Variants in TTBK1 observed in about 807,000 individuals in gnomAD.
TTBK1 encodes the protein tau-tubulin kinase 1.
Under a neutral mutation model 108.5 loss-of-function variants are expected in TTBK1, and 34 were observed. The ratio of observed to expected loss-of-function variants is 0.31; its 90% CI spans 0.24 to 0.42. The LOEUF is 0.42. Among genes scored for constraint, TTBK1 ranks in the 10% least tolerant of loss-of-function variants. The pLI, the probability that TTBK1 is intolerant of heterozygous loss-of-function variation, is 1.00. For synonymous variants in TTBK1, 809 were observed against 795.1 expected (o/e 1.02, Z -0.29); for missense variants, 1,539 against 1,826.0 (o/e 0.84, Z 2.86).
chr6:43,252,912 G>A lies in TTBK1; in HGVS notation c.256+26G>A, dbSNP rs746534072. Reference sequence around the variant, plus strand: ...GTTCGGGCCTCGGGCAGGGGGATGGGAAGGAAGAGATGATGAAGCCAGGGG... The same window carrying A: ...GTTCGGGCCTCGGGCAGGGGGATGGAAAGGAAGAGATGATGAAGCCAGGGG... On this transcript the variant is annotated intron_variant, in intron 3 of 14. Coordinates refer to ENST00000259750, the MANE Select transcript of TTBK1 (RefSeq NM_032538.3). 2.5e-6 allele frequency: 4 copies of A among 1,611,368 alleles called. No individual in the cohort carries two copies. In the African/African-American group the frequency reaches 5.3e-5, roughly 22 times the overall value.
intron 13 of TTBK1, chr6:43,271,457 C>A (rs1562094184): frequency 1.1e-5 from 11 of 985,254 alleles, no homozygotes; most frequent in Non-Finnish European, 1.3e-5. Context: ...TGTTAGGGAG[C>A]CAGAAAGATG....
At chr6:43,244,828 A>G (rs1381939613) in intron 1 of TTBK1, among the ~76,000 whole-genome samples, 1 of 152,130 alleles carries the variant, frequency 6.6e-6, no homozygotes. Flanking sequence ...TTGCTTCTTC[A>G]GTCTTGTCCT....
rs552090877 is a variant in TTBK1 at position 43,253,918 on chromosome 6, G to T, written c.471+210G>T. 6.6e-6 allele frequency among the ~76,000 whole-genome samples: 1 copy of T among 152,156 alleles called. No homozygotes were observed. Among genetic ancestry groups the T allele is most frequent in the Non-Finnish European group, 1.5e-5 (1 of 68,002 alleles). ...GAGCATGCACCCCTGCCTGCCCCTC[G>T]GCCATGGCCAGGCCTCTCCTCTGTT... On this transcript the variant is annotated intron_variant, in intron 5 of 14. Coordinates refer to ENST00000259750, the MANE Select transcript of TTBK1 (RefSeq NM_032538.3). This position sits in a 1 kb window ranked among gnomAD's most constrained non-coding sequence, Gnocchi z 5.8.
At chr6:43,244,140 G>A (rs1017445174) in intron 1 of TTBK1, among the ~76,000 whole-genome samples, 1 of 151,684 alleles carries the variant, frequency 6.6e-6, no homozygotes, top group South Asian at 2.1e-4. Context: ...TCTCTTCCTT[G>A]CCTGTCATCA....
chr6:43,254,516 C>A, intron 5 of TTBK1, 31 bp from the exon 6 acceptor site: 2 of 1,518,584 alleles, frequency 1.3e-6, no homozygotes, highest in South Asian at 1.3e-5. Flanking sequence ...GGGTTGGGGC[C>A]CCCAGAGCTC....
At chr6:43,254,402 A>G in intron 5 of TTBK1, 145 bp from the exon 6 acceptor site, 1 of 557,664 alleles carries the variant, frequency 1.8e-6, no homozygotes, top group Non-Finnish European at 3.2e-6. Flanking sequence ...CCTGATGCAC[A>G]CATGTGAATA....
chr6:43,255,585 T>C lies in TTBK1; in HGVS notation c.676T>C (p.Phe226Leu), dbSNP rs1777361285. Residue 226 changes from phenylalanine to leucine, a missense_variant, in exon 8 of 15, where the codon TTC becomes CTC. This residue lies in a region of TTBK1 where 155 missense variants were observed against 348.5 expected (regional missense o/e 0.44). Transcript: ENST00000259750. ...CCGCCACGACGACCTGTGGTCCCTC[T>C]TCTACATGCTGGTGGAGTTTGCAGT... ...MGRHDDLWSL[F>L]YMLVEFAVGQ... 1 of 1,613,362 alleles carries C rather than the reference T, an allele frequency of 6.2e-7. No homozygotes were observed. Among genetic ancestry groups the C allele is most frequent in the Non-Finnish European group, 8.5e-7 (1 of 1,179,714 alleles).
chr6:43,261,746 T>G (rs1582491713), intron 12 of TTBK1, among the ~76,000 whole-genome samples: 1 of 130,656 alleles, frequency 7.7e-6, no homozygotes, highest in African/African-American at 3.0e-5. Context: ...ACCTGGGGGG[T>G]GGAGGTTACA....
At chr6:43,250,417 C>T (rs546901256) in intron 2 of TTBK1, among the ~76,000 whole-genome samples, 309 of 139,106 alleles carry the variant, frequency 2.2e-3, no homozygotes, top group African/African-American at 8.0e-3. Flanking sequence ...AGTGCAATGG[C>T]GTGATCTCAG....
chr6:43,259,452 T>A lies in TTBK1; in HGVS notation c.1249-79T>A. Reference sequence around the variant, plus strand: ...TGTGTCTTCCATCATCATCATCCTCTGTCTCCTTCACCCTGAGGAGACCAT... The same window carrying A: ...TGTGTCTTCCATCATCATCATCCTCAGTCTCCTTCACCCTGAGGAGACCAT... On this transcript the variant is annotated intron_variant, in intron 11 of 14. Coordinates refer to ENST00000259750, the MANE Select transcript of TTBK1 (RefSeq NM_032538.3). This position sits in a 1 kb window ranked among gnomAD's most constrained non-coding sequence, Gnocchi z 6.7. The A allele has an allele frequency of 7.0e-7, 1 of 1,436,712 alleles. No individual in the cohort carries two copies. Among genetic ancestry groups the A allele is most frequent in the African/African-American group, 1.4e-5 (1 of 70,198 alleles). The allele number at this position is 1,436,712 out of a possible 1,614,324, so 89.0% of individuals were successfully genotyped here. A position where few individuals can be genotyped will look rare whatever the true frequency, so the allele number is the denominator to read the frequency against.
At chr6:43,254,791 T>G in intron 6 of TTBK1, 140 bp downstream of exon 6, 2 of 777,708 alleles carry the variant, frequency 2.6e-6, no homozygotes, top group Non-Finnish European at 4.1e-6. Flanking sequence ...GCTCTGGGTG[T>G]CCACACTCGG....
At position 43,263,098 on chromosome 6, in the gene TTBK1, C is replaced by G. The variant is rs772312876; in HGVS notation, c.1734C>G (p.Pro578=). Residue 578 remains proline, a synonymous_variant, in exon 13 of 15, where the codon CCC becomes CCG. Coordinates refer to ENST00000259750, the MANE Select transcript of TTBK1 (RefSeq NM_032538.3). The surrounding 1 kb of genome is among the most constrained non-coding windows in gnomAD (Gnocchi z 4.7). ...DEEPEELRPL[P]EEGEERRRLG... is the part of the protein sequence containing the mutation. ...AGCCCGAGGAGCTGCGGCCACTGCC[C>G]GAGGAGGGCGAAGAGCGGCGGCGGC... The G allele has an allele frequency of 1.3e-6, 2 of 1,569,204 alleles. No homozygotes were observed. The highest frequency in any genetic ancestry group is 2.4e-5 in the East Asian group (1 of 42,434).
At chr6:43,268,760 G>A (rs1186763414) in intron 13 of TTBK1, among the ~76,000 whole-genome samples, 1 of 152,198 alleles carries the variant, frequency 6.6e-6, no homozygotes, top group African/African-American at 2.4e-5. Context: ...GCTGCCTGGT[G>A]GCTCAGACTT....
In TTBK1 at chr6:43,246,617, C is replaced by T. The variant is rs892514151; in HGVS notation, c.-44C>T. 2 of 1,504,680 alleles carry T rather than the reference C, an allele frequency of 1.3e-6. No individual in the cohort carries two copies. The highest frequency in any genetic ancestry group is 2.8e-5 in the African/African-American group (2 of 72,250). The allele number at this position is 1,504,680 out of a possible 1,614,324, so 93.2% of individuals were successfully genotyped here. A position where few individuals can be genotyped will look rare whatever the true frequency, so the allele number is the denominator to read the frequency against. ...TCCTCACTCCCCTAGGTAGATGGCC[C>T]CCTCAGGGCAGGCCCGGCGGACACC... On this transcript the variant is annotated 5_prime_UTR_variant, in exon 2 of 15. Coordinates refer to ENST00000259750, the MANE Select transcript of TTBK1 (RefSeq NM_032538.3).
intron 13 of TTBK1, chr6:43,272,416 G>A (rs1303832467): frequency 6.1e-6 from 6 of 985,308 alleles, no homozygotes; most frequent in Non-Finnish European, 7.2e-6. Flanking sequence ...TGTTTCCAAC[G>A]CCTTTGGAAG....
Position 43,269,858 on chromosome 6 carries a change from C to T in TTBK1, c.1986+6508C>T. On this transcript the variant is annotated intron_variant, in intron 13 of 14. Coordinates refer to ENST00000259750, the MANE Select transcript of TTBK1 (RefSeq NM_032538.3). This position sits in a 1 kb window ranked among gnomAD's most constrained non-coding sequence, Gnocchi z 4.8. The stretch of plus-strand genomic sequence containing the variant: ...CGCCCCACCGGCGCCACGCGCCCCT[C>T]GCTGCTGGCAACCACAGACTCATGC... 4 of 1,533,840 alleles carry T rather than the reference C, an allele frequency of 2.6e-6. No homozygotes were observed. Among genetic ancestry groups the T allele is most frequent in the Non-Finnish European group, 3.5e-6 (4 of 1,145,470 alleles).
intron 13 of TTBK1, among the ~76,000 whole-genome samples, chr6:43,268,237 T>G (rs1321142823): frequency 6.6e-6 from 1 of 152,168 alleles, no homozygotes; most frequent in Non-Finnish European, 1.5e-5. Flanking sequence ...CACCCACATG[T>G]GCTGTGAGAG....
At chr6:43,250,490 G>A (rs1460337675) in intron 2 of TTBK1, among the ~76,000 whole-genome samples, 1 of 151,784 alleles carries the variant, frequency 6.6e-6, no homozygotes, top group Non-Finnish European at 1.5e-5. Flanking sequence ...CCAGGTAGCT[G>A]GGATTACAGG....
intron 9 of TTBK1, among the ~76,000 whole-genome samples, chr6:43,256,742 C>T (rs1269055863): frequency 6.9e-6 from 1 of 144,628 alleles, no homozygotes; most frequent in Non-Finnish European, 1.5e-5. Flanking sequence ...CCATCTCAAA[C>T]AAACAAATAA....
Sources: allele counts gnomAD v4.1 joint callset (sites outside exome capture counted in the v4.1 genomes callset), GRCh38; gene constraint gnomAD v4.1.1; regional missense constraint gnomAD v4.1.1; non-coding constraint Gnocchi (gnomAD v3.1); transcripts MANE v1.5; gene names NCBI Gene and HGNC (gene_info 2026-07-23, HGNC 2026-07-21).